Variants in DEPDC5 observed in about 807,000 individuals in gnomAD.
DEPDC5 encodes the protein GATOR1 complex protein DEPDC5.
In DEPDC5, 73 loss-of-function variants were observed where a neutral mutation model predicts 217.3. That is an observed-to-expected ratio of 0.34 (90% CI 0.28 to 0.41). The LOEUF is 0.41. Ranked by LOEUF, DEPDC5 falls within the 10% of genes least tolerant of loss-of-function variation. The probability of loss-of-function intolerance (pLI) is 1.00; values close to 1 mark genes in which losing one functional copy is unlikely to be tolerated. For missense variants in DEPDC5, 1,675 were observed against 2,070.1 expected (o/e 0.81, Z 3.70); for synonymous variants, 733 against 756.7 (o/e 0.97, Z 0.51).
chr22:31,875,466 A>G (rs2092963356), intron 36 of DEPDC5: 1 of 152,176 alleles, frequency 6.6e-6, no homozygotes, highest in Non-Finnish European at 1.5e-5. Context: ...TATATAATAA[A>G]ATTATTTAAG....
intron 31 of DEPDC5, among the ~76,000 whole-genome samples, chr22:31,851,140 T>C (rs1392043654): frequency 6.6e-6 from 1 of 152,070 alleles, no homozygotes; most frequent in Non-Finnish European, 1.5e-5. Context: ...CACAGTGAGC[T>C]GGCACTTCAG....
intron 38 of DEPDC5, chr22:31,891,167 C>G: frequency 1.9e-6 from 1 of 521,022 alleles, no homozygotes; most frequent in Non-Finnish European, 3.6e-6. Flanking sequence ...GGAGCTCCTT[C>G]TTTAAACTGT....
chr22:31,802,224 G>A (rs2086947944), intron 14 of DEPDC5, among the ~76,000 whole-genome samples: 2 of 150,608 alleles, frequency 1.3e-5, no homozygotes, highest in Admixed American at 6.7e-5. Context: ...TGCCTCCTGG[G>A]TTCAAGTGAT....
chr22:31,889,731 G>A (rs1004839064), intron 38 of DEPDC5, among the ~76,000 whole-genome samples: 2 of 151,786 alleles, frequency 1.3e-5, no homozygotes, highest in Admixed American at 6.6e-5. Context: ...AGTAGAGACG[G>A]GTTTCACCTT....
At chr22:31,809,207 G>A (rs1418841471) in intron 18 of DEPDC5, among the ~76,000 whole-genome samples, 1 of 152,212 alleles carries the variant, frequency 6.6e-6, no homozygotes, top group Middle Eastern at 3.2e-3. Context: ...GGTAGGTGTA[G>A]GCAGACAGGT....
chr22:31,862,011 G>T (rs1380901708), intron 33 of DEPDC5, among the ~76,000 whole-genome samples: 1 of 152,176 alleles, frequency 6.6e-6, no homozygotes, highest in Non-Finnish European at 1.5e-5. Flanking sequence ...GGCCGAGGCG[G>T]GCAGATCACC....
chr22:31,826,430 C>T (rs1462936279), intron 24 of DEPDC5: 3 of 415,980 alleles, frequency 7.2e-6, no homozygotes, highest in South Asian at 5.3e-5. Context: ...GTATTCCAGG[C>T]ATTTCTTGTG....
At chr22:31,850,171 TA>T (rs1234487020) in intron 31 of DEPDC5, among the ~76,000 whole-genome samples, 3 of 152,152 alleles carry the variant, frequency 2.0e-5, no homozygotes, top group Non-Finnish European at 4.4e-5. Context: ...AGATTCCATA[TA>T]AAAATCTGGA....
chr22:31,851,634 G>C (rs2092032250), intron 31 of DEPDC5, among the ~76,000 whole-genome samples: 1 of 152,218 alleles, frequency 6.6e-6, no homozygotes, highest in African/African-American at 2.4e-5. Flanking sequence ...GATATTTATT[G>C]AATGATGGGT....
chr22:31,773,400 A>T (rs1416240213), intron 7 of DEPDC5, among the ~76,000 whole-genome samples: 1 of 152,076 alleles, frequency 6.6e-6, no homozygotes, highest in East Asian at 1.9e-4. Context: ...ACAGGGTCTC[A>T]CTATGTTCCT....
chr22:31,815,247 A>G (rs748193203), intron 21 of DEPDC5, 35 bp downstream of exon 21: 1 of 1,609,504 alleles, frequency 6.2e-7, no homozygotes, highest in Non-Finnish European at 8.5e-7. Flanking sequence ...AGCCAGGGAC[A>G]TCTTTCTTAA....
chr22:31,764,176 C>G (rs867732319), intron 4 of DEPDC5, among the ~76,000 whole-genome samples: 48 of 151,920 alleles, frequency 3.2e-4, no homozygotes, highest in African/African-American at 1.1e-3. Context: ...TCATGATCTG[C>G]TGAGCCACCA....
Position 31,796,155 on chromosome 22 carries a change from C to T in DEPDC5, c.768-1445C>T, listed in dbSNP as rs1225944827. On this transcript the variant is annotated intron_variant, in intron 12 of 42. Transcript: ENST00000651528. ...TCGCTCTGTCGCCCAGGCTGGAGTGCAGTGGTGGGATCTTGGCTCACTGCA... is the reference window on the plus strand; with the variant it reads ...TCGCTCTGTCGCCCAGGCTGGAGTGTAGTGGTGGGATCTTGGCTCACTGCA... 4.8e-5 allele frequency among the ~76,000 whole-genome samples: 7 copies of T among 147,006 alleles called. No individual in the cohort carries two copies. In the South Asian group the frequency reaches 1.1e-3, roughly 22 times the overall value.
At chr22:31,837,211 C>G in intron 26 of DEPDC5, 56 bp downstream of exon 26, 2 of 1,577,156 alleles carry the variant, frequency 1.3e-6, no homozygotes, top group Non-Finnish European at 1.7e-6. Context: ...CGGATATATC[C>G]CACACATGCA....
chr22:31,840,064 G>C (rs2091295801), intron 27 of DEPDC5, among the ~76,000 whole-genome samples: 1 of 152,162 alleles, frequency 6.6e-6, no homozygotes. Flanking sequence ...CTGGGGAGAG[G>C]ATTTATAGCC....
intron 15 of DEPDC5, 120 bp downstream of exon 15, chr22:31,802,958 CA>C: frequency 7.6e-7 from 1 of 1,308,070 alleles, no homozygotes; most frequent in Admixed American, 3.1e-5. Flanking sequence ...CTGTGTGTCA[CA>C]ACGTCTGTGG....
intron 1 of DEPDC5, among the ~76,000 whole-genome samples, 166 bp downstream of exon 1, chr22:31,754,330 G>A (rs2075134542): frequency 1.3e-5 from 2 of 152,228 alleles, no homozygotes; most frequent in Non-Finnish European, 2.9e-5. Flanking sequence ...CGGAGTCAGG[G>A]AAGGTCTGCT....
intron 7 of DEPDC5, among the ~76,000 whole-genome samples, chr22:31,772,755 C>T (rs949104096): frequency 2.7e-5 from 4 of 150,522 alleles, no homozygotes; most frequent in Non-Finnish European, 4.4e-5. Flanking sequence ...TCTATTGCTT[C>T]CTCTTTTATT....
intron 24 of DEPDC5, among the ~76,000 whole-genome samples, chr22:31,829,188 T>G (rs970924241): frequency 6.6e-6 from 1 of 152,188 alleles, no homozygotes; most frequent in Non-Finnish European, 1.5e-5. Flanking sequence ...GTCCTTGTTT[T>G]GGGACAAGGT....
Sources: gnomAD v4.1 joint callset for allele counts (sites outside exome capture counted in the v4.1 genomes callset) on GRCh38, gnomAD v4.1.1 for gene constraint, MANE v1.5 for transcripts, NCBI Gene and HGNC (gene_info 2026-07-23, HGNC 2026-07-21) for gene names.